Variants in DYNC2H1 observed in about 807,000 individuals in gnomAD.
DYNC2H1 encodes the protein cytoplasmic dynein 2 heavy chain 1.
A neutral mutation model predicts 570.0 loss-of-function variants in DYNC2H1; 410 were observed. The observed-to-expected ratio is 0.72, with a 90% CI of 0.66 to 0.78. The LOEUF (loss-of-function observed/expected upper bound fraction) is 0.78, where lower values mean the gene tolerates loss of function less well. DYNC2H1 is among the 30% of genes least tolerant of loss of function. The pLI, the probability that DYNC2H1 is intolerant of heterozygous loss-of-function variation, is 0.00. For synonymous variants in DYNC2H1, 1,688 were observed against 1,677.6 expected, an observed-to-expected ratio of 1.01 and a Z score of -0.15; for missense variants, 4,865 against 5,046.4, an observed-to-expected ratio of 0.96 and a Z score of 1.09.
At chr11:103,250,707 TC>T (rs1203526838) in intron 65 of DYNC2H1, among the ~76,000 whole-genome samples, 1 of 152,118 alleles carries the variant, frequency 6.6e-6, no homozygotes, top group Non-Finnish European at 1.5e-5. Flanking sequence ...TTTTCTTTTT[TC>T]TAATATATGC....
At chr11:103,392,164 G>A (rs908815700) in intron 83 of DYNC2H1, among the ~76,000 whole-genome samples, 36 of 152,194 alleles carry the variant, frequency 2.4e-4, no homozygotes, top group African/African-American at 8.2e-4. Flanking sequence ...CGAGCTTCCC[G>A]GCCACTTTGT....
At chr11:103,122,255 A>G (rs11608130) in intron 10 of DYNC2H1, among the ~76,000 whole-genome samples, 4,742 of 152,342 alleles carry the variant, frequency 0.031, 100 homozygotes, top group Middle Eastern at 0.048. Context: ...GGAATATTAC[A>G]AAAGCCAGCA....
At chr11:103,160,854 A>T (rs1351885214) in intron 28 of DYNC2H1, 78 bp from the exon 29 acceptor site, 3 of 723,168 alleles carry the variant, frequency 4.1e-6, no homozygotes, top group Non-Finnish European at 6.5e-6. Flanking sequence ...GTATATATTA[A>T]CACTATGTGA....
intron 39 of DYNC2H1, 33 bp downstream of exon 39, chr11:103,179,266 A>C: frequency 6.3e-7 from 1 of 1,580,184 alleles, no homozygotes; most frequent in Non-Finnish European, 8.6e-7. Context: ...ACAGTATATT[A>C]GAATATTCTT....
intron 73 of DYNC2H1, among the ~76,000 whole-genome samples, chr11:103,285,924 A>G (rs774898896): frequency 2.6e-5 from 4 of 152,232 alleles, no homozygotes; most frequent in Non-Finnish European, 4.4e-5. Flanking sequence ...TAACTTGACA[A>G]TCCTTAAAAT....
At chr11:103,393,243 A>G (rs1942248176) in intron 83 of DYNC2H1, among the ~76,000 whole-genome samples, 1 of 152,240 alleles carries the variant, frequency 6.6e-6, no homozygotes, top group Non-Finnish European at 1.5e-5. Flanking sequence ...ACACATAGTC[A>G]GTACTCCATG....
At chr11:103,253,862 G>C (rs1483283394) in intron 66 of DYNC2H1, among the ~76,000 whole-genome samples, 1 of 151,986 alleles carries the variant, frequency 6.6e-6, no homozygotes, top group Non-Finnish European at 1.5e-5. Context: ...TTAACCATTA[G>C]AACACATGGC....
At chr11:103,130,267 T>G (rs1859206699) in intron 13 of DYNC2H1, among the ~76,000 whole-genome samples, 1 of 152,194 alleles carries the variant, frequency 6.6e-6, no homozygotes, top group Non-Finnish European at 1.5e-5. Context: ...CCAAATTATT[T>G]AGGTACAGTG....
chr11:103,394,444 A>C (rs559016052), intron 83 of DYNC2H1, among the ~76,000 whole-genome samples: 31 of 152,216 alleles, frequency 2.0e-4, no homozygotes, highest in African/African-American at 7.2e-4. Flanking sequence ...AAGTATACAG[A>C]ATTATGTGTG....
intron 83 of DYNC2H1, among the ~76,000 whole-genome samples, chr11:103,378,143 C>T (rs899490649): frequency 8.6e-5 from 13 of 152,016 alleles, no homozygotes; most frequent in South Asian, 6.2e-4. Context: ...ATTTATGATC[C>T]AAATATTTAT....
At chr11:103,276,227 T>C (rs1454950053) in intron 70 of DYNC2H1, among the ~76,000 whole-genome samples, 5 of 152,150 alleles carry the variant, frequency 3.3e-5, no homozygotes, top group Admixed American at 2.6e-4. Flanking sequence ...TATATACTTT[T>C]ATAAAAGAAA....
At chr11:103,122,182 T>G (rs1858753731) in intron 10 of DYNC2H1, among the ~76,000 whole-genome samples, 2 of 152,232 alleles carry the variant, frequency 1.3e-5, no homozygotes, top group Admixed American at 6.5e-5. Context: ...TTCAGTGTCT[T>G]GCATTAGACT....
chr11:103,458,977 A>T (rs191514806), intron 87 of DYNC2H1, among the ~76,000 whole-genome samples: 1 of 151,960 alleles, frequency 6.6e-6, no homozygotes, highest in South Asian at 2.1e-4. Context: ...TGGCCTGGCT[A>T]TAGTTCTTTA....
At chr11:103,321,335 T>A in intron 81 of DYNC2H1, 98 bp downstream of exon 81, 1 of 1,134,410 alleles carries the variant, frequency 8.8e-7, no homozygotes, top group Non-Finnish European at 1.3e-6. Context: ...AATGCACAAG[T>A]AATTATTCAC....
rs530868508 is a variant in DYNC2H1, at chr11:103,369,947, C to T, written c.12156+11588C>T. 1.3e-5 allele frequency among the ~76,000 whole-genome samples: 2 copies of T among 152,288 alleles called. No individual in the cohort carries two copies. The highest frequency in any genetic ancestry group is 4.1e-4 in the South Asian group (2 of 4,824). ...CACTTGAGAAAAGCAGAGAGAAATG[C>T]AAAGGGGACATTGTCTTGCACATTA... On this transcript the variant is annotated intron_variant, in intron 83 of 88. Coordinates refer to ENST00000375735, the MANE Select transcript of DYNC2H1 (RefSeq NM_001377.3). The surrounding 1 kb of genome is among the most constrained non-coding windows in gnomAD (Gnocchi z 4.0).
At chr11:103,358,092 A>G (rs1205878141) in intron 82 of DYNC2H1, 151 bp from the exon 83 acceptor site, 4 of 486,872 alleles carry the variant, frequency 8.2e-6, no homozygotes, top group Non-Finnish European at 1.1e-5. Context: ...TATTAAGCCA[A>G]TTGAAGAGAG....
chr11:103,288,895 AAG>A (rs1866472255), intron 75 of DYNC2H1, among the ~76,000 whole-genome samples: 1 of 150,528 alleles, frequency 6.6e-6, no homozygotes, highest in Non-Finnish European at 1.5e-5. Context: ...AAAAAAAAAA[AAG>A]AAAGAAAATT....
chr11:103,335,465 A>G (rs1026174686), intron 82 of DYNC2H1, among the ~76,000 whole-genome samples: 4 of 113,484 alleles, frequency 3.5e-5, no homozygotes, highest in African/African-American at 9.5e-5. Flanking sequence ...GGAGAAAAAT[A>G]GGATGTTTGG....
Position 103,148,473 on chromosome 11 carries a change from T to C in DYNC2H1, c.2819-17T>C. 6.5e-7 allele frequency: 1 copy of C among 1,547,878 alleles called. No homozygotes were observed. Among genetic ancestry groups the C allele is most frequent in the Non-Finnish European group, 8.7e-7 (1 of 1,145,562 alleles). On this transcript the variant is annotated splice_polypyrimidine_tract_variant and intron_variant, in intron 19 of 88. Transcript: ENST00000375735. ...GGTAATAATTAACATTTCTTGTATT[T>C]CAATGTTACCACTCAGCTCATTTAC...
Sources: gnomAD v4.1 joint callset for allele counts (sites outside exome capture counted in the v4.1 genomes callset) on GRCh38, gnomAD v4.1.1 for gene constraint, Gnocchi (gnomAD v3.1) non-coding constraint, MANE v1.5 for transcripts, NCBI Gene and HGNC (gene_info 2026-07-23, HGNC 2026-07-21) for gene names.